The following MTA3 variants were observed in gnomAD, a reference collection of about 807,000 sequenced individuals.
The protein encoded by MTA3 is metastasis associated 1 family member 3.
A neutral mutation model predicts 83.5 loss-of-function variants in MTA3; 34 were observed. The observed-to-expected ratio is 0.41, with a 90% CI of 0.31 to 0.54. The LOEUF is 0.54. Among genes scored for constraint, MTA3 ranks in the 20% least tolerant of loss-of-function variants. MTA3 has a pLI of 0.33. For synonymous variants in MTA3, 303 were observed against 252.7 expected (o/e 1.20, Z -1.89); for missense variants, 761 against 726.4 (o/e 1.05, Z -0.55).
chr2:42,498,910 GGTCT>G (rs1016310034), intron 2 of MTA3, among the ~76,000 whole-genome samples: 2 of 152,026 alleles, frequency 1.3e-5, no homozygotes, highest in African/African-American at 4.8e-5. Flanking sequence ...CTTATCTTAG[GGTCT>G]GTCTTAGTTT....
chr2:42,658,471 G>GT (rs1689378713), intron 7 of MTA3, among the ~76,000 whole-genome samples: 1 of 152,030 alleles, frequency 6.6e-6, no homozygotes, highest in Admixed American at 6.6e-5. Context: ...GGAATGTCGC[G>GT]TAACAGGGAA....
chr2:42,542,717 A>T (rs955976116), intron 2 of MTA3, among the ~76,000 whole-genome samples: 1 of 151,382 alleles, frequency 6.6e-6, no homozygotes, highest in African/African-American at 2.4e-5. Context: ...TCACCCAGCT[A>T]ATTTTTTTTT....
rs900608682 is a variant in MTA3 at position 42,754,540 on chromosome 2, G to A, written c.*1141G>A. 5.1e-6 allele frequency: 5 copies of A among 985,314 alleles called. No homozygotes were observed. The African/African-American group carries it at 7.0e-5, about 14-fold the overall frequency. The allele number at this position is 985,314 out of a possible 1,614,324, so 61.0% of individuals were successfully genotyped here. A position where few individuals can be genotyped will look rare whatever the true frequency, so the allele number is the denominator to read the frequency against. On this transcript the variant is annotated 3_prime_UTR_variant, in exon 17 of 17. Coordinates refer to ENST00000405094, the MANE Select transcript of MTA3 (RefSeq NM_001330442.2). ...GCTGTGCTGAGTAGCTGTGCTACTT[G>A]TGCTGGCAGCTGCAAGGATAGGAAT...
chr2:42,629,228 C>T (rs539215638), intron 4 of MTA3, among the ~76,000 whole-genome samples: 5 of 151,820 alleles, frequency 3.3e-5, no homozygotes, highest in African/African-American at 4.8e-5. Flanking sequence ...TACAGGTGCA[C>T]GCCACTATGC....
rs1667533899 is a variant in MTA3 at position 42,722,928 on chromosome 2, C to T, written c.1652C>T (p.Thr551Ile). Residue 551 changes from threonine to isoleucine, a missense_variant, in exon 16 of 17, where the codon ACA becomes ATA. Physicochemically the swap from Thr to Ile is moderately conservative, Grantham distance 89. Coordinates refer to ENST00000405094, the MANE Select transcript of MTA3 (RefSeq NM_001330442.2). ...PAKKPNVIRS[T>I]PSLQTPTTKR... is the part of the protein sequence containing the mutation. Reference sequence around the variant, plus strand: ...AAGAAACCTAATGTAATTCGATCTACACCAAGCCTGCAAACCCCAACTACC... The same window carrying T: ...AAGAAACCTAATGTAATTCGATCTATACCAAGCCTGCAAACCCCAACTACC... 1.4e-5 allele frequency: 22 copies of T among 1,551,206 alleles called. No individual in the cohort carries two copies. Among genetic ancestry groups the T allele is most frequent in the Non-Finnish European group, 1.9e-5 (22 of 1,147,120 alleles).
Position 42,697,745 on chromosome 2 carries a change from T to C in MTA3, c.967-31T>C, listed in dbSNP as rs752685415. 37 of 1,438,552 alleles carry C rather than the reference T, an allele frequency of 2.6e-5. No homozygotes were observed. In the South Asian group the frequency reaches 3.8e-4, roughly 15 times the overall value. The allele number at this position is 1,438,552 out of a possible 1,614,324, so 89.1% of individuals were successfully genotyped here. A position where few individuals can be genotyped will look rare whatever the true frequency, so the allele number is the denominator to read the frequency against. On this transcript the variant is annotated intron_variant, in intron 10 of 16. Transcript: ENST00000405094. Reference sequence around the variant, plus strand: ...ACAGTAGTAATAATTAGGCATTGCATGTAAAATGTTTTATTCATCTTTTGA... The same window carrying C: ...ACAGTAGTAATAATTAGGCATTGCACGTAAAATGTTTTATTCATCTTTTGA...
intron 4 of MTA3, among the ~76,000 whole-genome samples, chr2:42,635,138 T>C (rs371570997): frequency 1.2e-4 from 19 of 152,338 alleles, no homozygotes; most frequent in African/African-American, 3.4e-4. Flanking sequence ...TTTGAATCTG[T>C]GCTATTCTGT....
intron 4 of MTA3, among the ~76,000 whole-genome samples, chr2:42,623,938 C>T (rs1474756342): frequency 6.6e-6 from 1 of 152,058 alleles, no homozygotes; most frequent in Non-Finnish European, 1.5e-5. Flanking sequence ...GTGTGATCCA[C>T]CGACCTTAGG....
At chr2:42,662,140 TA>T in intron 8 of MTA3, among the ~76,000 whole-genome samples, 1 of 152,288 alleles carries the variant, frequency 6.6e-6, no homozygotes, top group South Asian at 2.1e-4. Context: ...TGCTTTCTAT[TA>T]TTTCCAATAT....
intron 2 of MTA3, among the ~76,000 whole-genome samples, chr2:42,548,433 C>A (rs1018721916): frequency 6.6e-6 from 1 of 151,420 alleles, no homozygotes; most frequent in African/African-American, 2.4e-5. Flanking sequence ...TCCACTGCAC[C>A]CCAGCCTGGG....
In MTA3 at chr2:42,614,988, A is replaced by C. The variant is rs190272495; in HGVS notation, c.317+5404A>C. Among the ~76,000 whole-genome samples, 263 of 150,814 alleles carry C rather than the reference A, an allele frequency of 1.7e-3. 3 individuals carry two copies. Among genetic ancestry groups the C allele is most frequent in the African/African-American group, 5.4e-3 (223 of 41,170 alleles). The stretch of plus-strand genomic sequence containing the variant: ...CAAGACTCTGTCTTAAAAAAAAAAA[A>C]AACAAAAAGCAGAAAACCTAGGCTG... On this transcript the variant is annotated intron_variant, in intron 4 of 16. Transcript: ENST00000405094.
intron 16 of MTA3, among the ~76,000 whole-genome samples, chr2:42,737,613 C>T (rs901035178): frequency 6.6e-6 from 1 of 152,156 alleles, no homozygotes; most frequent in African/African-American, 2.4e-5. Context: ...CTGAAGGCTT[C>T]TATTTGATCA....
chr2:42,519,021 ACACACACACG>A lies in MTA3; in HGVS notation c.-141+23768_-141+23777del, dbSNP rs1319216016. Among the ~76,000 whole-genome samples, 22 of 131,064 alleles carry A rather than the reference ACACACACACG, an allele frequency of 1.7e-4. No individual in the cohort carries two copies. In the South Asian group the frequency reaches 2.5e-3, roughly 15 times the overall value. 86.0% of individuals were successfully genotyped at this position (131,064 alleles called of 152,430 possible). Reference sequence around the variant, plus strand: ...CACACACACACACACACACACACACACACACACACGAATATAGTATGGAAAGGTGGGGGAA... The same window carrying A: ...CACACACACACACACACACACACACAAATATAGTATGGAAAGGTGGGGGAA... On this transcript the variant is annotated intron_variant, in intron 2 of 17. Coordinates refer to the MTA3 transcript ENST00000405592.
intron 4 of MTA3, among the ~76,000 whole-genome samples, chr2:42,637,061 C>T (rs1414290108): frequency 6.6e-6 from 1 of 152,222 alleles, no homozygotes; most frequent in African/African-American, 2.4e-5. Context: ...CCAGGCTGAT[C>T]AGCGCCTGCT....
At chr2:42,524,585 A>G (rs1175894637) in intron 2 of MTA3, among the ~76,000 whole-genome samples, 2 of 148,990 alleles carry the variant, frequency 1.3e-5, no homozygotes, top group Non-Finnish European at 3.0e-5. Flanking sequence ...CGGCCTCCCA[A>G]AGTGCTGGGA....
intron 3 of MTA3, among the ~76,000 whole-genome samples, chr2:42,602,300 G>T (rs1186041512): frequency 6.6e-6 from 1 of 152,146 alleles, no homozygotes; most frequent in Non-Finnish European, 1.5e-5. Context: ...TCCTATTACT[G>T]AACATTTGGC....
At chr2:42,608,306 T>C (rs998885581) in intron 3 of MTA3, among the ~76,000 whole-genome samples, 8 of 152,376 alleles carry the variant, frequency 5.3e-5, no homozygotes, top group African/African-American at 1.7e-4. Context: ...GCAGCAACTT[T>C]ATCAATCTTC....
intron 16 of MTA3, among the ~76,000 whole-genome samples, chr2:42,733,555 G>A (rs989289488): frequency 6.6e-6 from 1 of 152,140 alleles, no homozygotes; most frequent in Non-Finnish European, 1.5e-5. Flanking sequence ...TTGGTATGTT[G>A]TATTTCCCTT....
intron 8 of MTA3, among the ~76,000 whole-genome samples, chr2:42,671,895 G>C (rs565715178): frequency 6.6e-6 from 1 of 152,242 alleles, no homozygotes; most frequent in South Asian, 2.1e-4. Context: ...CATCAGACTA[G>C]TAAAAAAGGA....
Sources: allele counts gnomAD v4.1 joint callset (sites outside exome capture counted in the v4.1 genomes callset), GRCh38; gene constraint gnomAD v4.1.1; transcripts MANE v1.5; gene names NCBI Gene and HGNC (gene_info 2026-07-23, HGNC 2026-07-21).